The following SLC6A17 variants were observed in gnomAD, a reference collection of about 807,000 sequenced individuals.
SLC6A17 encodes solute carrier family 6 member 17, also known as sodium-dependent neutral amino acid transporter SLC6A17.
Under a neutral mutation model 64.5 loss-of-function variants are expected in SLC6A17, and 21 were observed. The observed-to-expected ratio is 0.33, with a 90% confidence interval of 0.23 to 0.47. The LOEUF is 0.47. Among genes scored for constraint, SLC6A17 ranks in the 20% least tolerant of loss-of-function variants. The pLI is 1.00. For synonymous variants in SLC6A17, 372 were observed against 399.5 expected (o/e 0.93, Z 0.82); for missense variants, 682 against 963.2 (o/e 0.71, Z 3.86).
In SLC6A17 at chr1:110,192,255, A is replaced by G. The variant is rs372282563; in HGVS notation, c.1106+42A>G. ...CTCCTGTCCCTCCTTCTCCCTGTCTACCTTACCTGGGAGTGGGCAGGGGTG... is the reference window on the plus strand; with the variant it reads ...CTCCTGTCCCTCCTTCTCCCTGTCTGCCTTACCTGGGAGTGGGCAGGGGTG... On this transcript the variant is annotated intron_variant, in intron 7 of 11. Coordinates refer to ENST00000331565, the MANE Select transcript of SLC6A17 (RefSeq NM_001010898.4). The surrounding 1 kb of genome is among the most constrained non-coding windows in gnomAD (Gnocchi z 4.3). 1.8e-5 allele frequency: 28 copies of G among 1,580,392 alleles called. No homozygotes were observed. The highest frequency in any genetic ancestry group is 1.5e-4 in the African/African-American group (11 of 74,380).
Position 110,200,329 on chromosome 1 carries a change from C to T in SLC6A17, c.*1885C>T, listed in dbSNP as rs1470640243. 6 of 378,024 alleles carry T rather than the reference C, an allele frequency of 1.6e-5. No individual in the cohort carries two copies. Among genetic ancestry groups the T allele is most frequent in the East Asian group, 7.6e-5 (2 of 26,444 alleles). 23.4% of individuals were successfully genotyped at this position (378,024 alleles called of 1,614,324 possible). A position where few individuals can be genotyped will look rare whatever the true frequency, so the allele number is the denominator to read the frequency against. On this transcript the variant is annotated 3_prime_UTR_variant, in exon 12 of 12. Coordinates refer to ENST00000331565, the MANE Select transcript of SLC6A17 (RefSeq NM_001010898.4). The stretch of plus-strand genomic sequence containing the variant: ...GAGGGGAGAGAGAGACCCACATCTC[C>T]CCAAAGAGATGAGCTTTTGGGGCAC...
intron 1 of SLC6A17, among the ~76,000 whole-genome samples, chr1:110,154,042 C>A (rs1423143731): frequency 6.6e-6 from 1 of 152,198 alleles, no homozygotes; most frequent in East Asian, 1.9e-4. Flanking sequence ...GAAATGCCTA[C>A]TTTGCATGCT....
At position 110,197,566 on chromosome 1, in the gene SLC6A17, GC is replaced by G. The variant is rs2100953630; in HGVS notation, c.1787del (p.Pro596ArgfsTer26). On this transcript the variant is annotated frameshift_variant, in exon 11 of 12. Coordinates refer to ENST00000331565, the MANE Select transcript of SLC6A17 (RefSeq NM_001010898.4). LOFTEE classifies it high-confidence loss of function. Reference sequence around the variant, plus strand: ...CCAGCATCATCCAGCTGGGGGTCACGCCCCCGGGCTACAGCGCCTGGATCAA... The same window carrying G: ...CCAGCATCATCCAGCTGGGGGTCACGCCCCGGGCTACAGCGCCTGGATCAA... ...TASIIQLGVTPPGYSAWIKEE... is the reference protein window; with the variant it reads ...TASIIQLGVTXPGYSAWIKEE... 6.2e-7 allele frequency: 1 copy of G among 1,609,778 alleles called. No homozygotes were observed. Among genetic ancestry groups the G allele is most frequent in the Non-Finnish European group, 8.5e-7 (1 of 1,178,148 alleles).
chr1:110,194,947 A>G (rs1199082796), intron 9 of SLC6A17, 176 bp downstream of exon 9: 10 of 774,258 alleles, frequency 1.3e-5, no homozygotes, highest in Admixed American at 2.4e-5. Context: ...CAAGCCAGGA[A>G]GAGAAAGCTA....
In SLC6A17 at chr1:110,197,647, C is replaced by T. The variant is rs1442222725; in HGVS notation, c.1815+48C>T. The T allele has an allele frequency of 2.6e-6, 4 of 1,533,182 alleles. No homozygotes were observed. In the East Asian group the frequency reaches 6.8e-5, roughly 26 times the overall value. 95.0% of individuals were successfully genotyped at this position (1,533,182 alleles called of 1,614,324 possible). On this transcript the variant is annotated intron_variant, in intron 11 of 11. Transcript: ENST00000331565. ...CCAGGGACATTTGCATCTTCTCAGGCCTTGAATGCAACCACTGATAGGGAT... is the reference window on the plus strand; with the variant it reads ...CCAGGGACATTTGCATCTTCTCAGGTCTTGAATGCAACCACTGATAGGGAT...
intron 5 of SLC6A17, 69 bp from the exon 6 acceptor site, chr1:110,176,560 G>A (rs1656379109): frequency 2.8e-6 from 4 of 1,447,202 alleles, no homozygotes; most frequent in African/African-American, 2.8e-5. Flanking sequence ...CCCCAGATGT[G>A]AGCAGGGATG....
intron 1 of SLC6A17, among the ~76,000 whole-genome samples, chr1:110,155,309 T>C (rs1655726904): frequency 6.6e-6 from 1 of 152,232 alleles, no homozygotes; most frequent in Admixed American, 6.5e-5. Context: ...ATTGCTCATT[T>C]ATGGGCAAAT....
At chr1:110,156,557 A>G (rs1655766199) in intron 1 of SLC6A17, among the ~76,000 whole-genome samples, 1 of 152,166 alleles carries the variant, frequency 6.6e-6, no homozygotes, top group South Asian at 2.1e-4. Flanking sequence ...GACAGTCTGA[A>G]TCCCCGCTCT....
At chr1:110,196,238 C>G (rs775300686) in intron 10 of SLC6A17, among the ~76,000 whole-genome samples, 2 of 152,208 alleles carry the variant, frequency 1.3e-5, no homozygotes, top group Non-Finnish European at 2.9e-5. Context: ...CAGTTGTACA[C>G]TTACTGTAAA....
At chr1:110,190,829 C>T (rs1358568426) in intron 6 of SLC6A17, among the ~76,000 whole-genome samples, 3 of 151,918 alleles carry the variant, frequency 2.0e-5, no homozygotes, top group Admixed American at 1.3e-4. Flanking sequence ...GGAGTTGGTG[C>T]TGGGGCCGGG....
At chr1:110,169,198 T>A (rs1656151197) in intron 2 of SLC6A17, among the ~76,000 whole-genome samples, 1 of 152,218 alleles carries the variant, frequency 6.6e-6, no homozygotes, top group African/African-American at 2.4e-5. Context: ...ACAGAAACTC[T>A]GGAACACTCT....
intron 1 of SLC6A17, among the ~76,000 whole-genome samples, chr1:110,155,257 C>G (rs532886543): frequency 1.3e-5 from 2 of 152,342 alleles, no homozygotes; most frequent in African/African-American, 2.4e-5. Context: ...TGATAATTCT[C>G]TTTCTCTTCC....
At chr1:110,195,034 A>C (rs910934387) in intron 9 of SLC6A17, 8 of 513,164 alleles carry the variant, frequency 1.6e-5, no homozygotes, top group African/African-American at 1.3e-4. Flanking sequence ...CCCTCTCCCC[A>C]AGGGCCTGCT....
At position 110,201,841 on chromosome 1, in the gene SLC6A17, A is replaced by G. The variant is rs987202617; in HGVS notation, c.*3397A>G. ...CCAGAGTACTCCCCACTGTGAAAAG[A>G]GCTGGAAACTAAACTGGTTAGAATG... On this transcript the variant is annotated 3_prime_UTR_variant, in exon 12 of 12. Transcript: ENST00000331565. 1 of 151,998 alleles carries G rather than the reference A, an allele frequency of 6.6e-6. No individual in the cohort carries two copies. Among genetic ancestry groups the G allele is most frequent in the Non-Finnish European group, 1.5e-5 (1 of 68,060 alleles). The allele number at this position is 151,998 out of a possible 1,614,324, so 9.4% of individuals were successfully genotyped here.
At chr1:110,160,179 T>G in intron 1 of SLC6A17, among the ~76,000 whole-genome samples, 1 of 152,236 alleles carries the variant, frequency 6.6e-6, no homozygotes, top group Admixed American at 6.5e-5. Context: ...AGAAACAAAC[T>G]GGCTTCCAAG....
Position 110,198,733 on chromosome 1 carries a change from T to G in SLC6A17, c.*289T>G. On this transcript the variant is annotated 3_prime_UTR_variant, in exon 12 of 12. Coordinates refer to ENST00000331565, the MANE Select transcript of SLC6A17 (RefSeq NM_001010898.4). ...AATTGGAACAACCCATAAGGCCTGCTTCCCAGTCCATGGGAGATTCCAAGT... is the reference window on the plus strand; with the variant it reads ...AATTGGAACAACCCATAAGGCCTGCGTCCCAGTCCATGGGAGATTCCAAGT... The G allele has an allele frequency of 1.2e-5, 4 of 345,168 alleles. No homozygotes were observed. The highest frequency in any genetic ancestry group is 1.6e-5 in the Non-Finnish European group (3 of 189,860). 21.4% of individuals were successfully genotyped at this position (345,168 alleles called of 1,614,324 possible).
intron 1 of SLC6A17, among the ~76,000 whole-genome samples, chr1:110,164,985 G>T (rs1353072652): frequency 6.6e-6 from 1 of 152,208 alleles, no homozygotes; most frequent in Non-Finnish European, 1.5e-5. Flanking sequence ...CTGGAGACAG[G>T]CTCTGAGCCA....
At chr1:110,193,073 C>T (rs1007798106) in intron 8 of SLC6A17, among the ~76,000 whole-genome samples, 4 of 152,170 alleles carry the variant, frequency 2.6e-5, no homozygotes, top group African/African-American at 7.2e-5. Flanking sequence ...AGTGTTTGCC[C>T]GTTGCTGTCT....
chr1:110,184,104 T>C (rs570403264), intron 6 of SLC6A17, among the ~76,000 whole-genome samples: 124 of 152,180 alleles, frequency 8.1e-4, no homozygotes, highest in Non-Finnish European at 1.5e-3. Context: ...TACAAGCCTG[T>C]TTTTTCTGTT....
Sources: allele counts gnomAD v4.1 joint callset (sites outside exome capture counted in the v4.1 genomes callset), GRCh38; gene constraint gnomAD v4.1.1; non-coding constraint Gnocchi (gnomAD v3.1); transcripts MANE v1.5; gene names NCBI Gene and HGNC (gene_info 2026-07-23, HGNC 2026-07-21).